The following PRL variants were observed in gnomAD, a reference collection of about 807,000 sequenced individuals.
PRL encodes the protein prolactin, also known as decidual prolactin.
Under a neutral mutation model 21.3 loss-of-function variants are expected in PRL, and 24 were observed. That is an observed-to-expected ratio of 1.13 (90% CI 0.82 to 1.59). The LOEUF (loss-of-function observed/expected upper bound fraction) is 1.59, where lower values mean the gene tolerates loss of function less well. Ranked by LOEUF, PRL falls within the 40% of genes most tolerant of loss-of-function variation. The probability of loss-of-function intolerance (pLI) is 0.00; values close to 1 mark genes in which losing one functional copy is unlikely to be tolerated. For missense variants in PRL, 243 were observed against 286.9 expected (o/e 0.85, Z 1.10); for synonymous variants, 118 against 115.7 (o/e 1.02, Z -0.13).
chr6:22,292,569 G>T lies in PRL; in HGVS notation c.281C>A (p.Pro94His). 6.2e-7 allele frequency: 1 copy of T among 1,614,088 alleles called. No homozygotes were observed. The highest frequency in any genetic ancestry group is 1.1e-5 in the South Asian group (1 of 91,070). Residue 94 changes from proline to histidine, a missense_variant, in exon 3 of 5, where the codon CCC becomes CAC. Pro to His is a moderately conservative substitution (Grantham distance 77). Coordinates refer to ENST00000306482, the MANE Select transcript of PRL (RefSeq NM_000948.6). The part of the protein sequence containing the change: ...NSCHTSSLAT[P>H]EDKEQAQQMN... ...CTGTTGGGCTTGCTCCTTGTCTTCG[G>T]GGGTGGCAAGGGAAGAAGTGTGGCA...
upstream of PRL, among the ~76,000 whole-genome samples, chr6:22,299,288 G>A (rs1047745729): frequency 2.0e-5 from 3 of 152,082 alleles, no homozygotes; most frequent in African/African-American, 7.2e-5. Flanking sequence ...TGCAACTGAG[G>A]GGTGATGATT....
At chr6:22,293,648 A>AAAAAAGGAAGGG (rs1561755467) in intron 2 of PRL, among the ~76,000 whole-genome samples, 2 of 57,652 alleles carry the variant, frequency 3.5e-5, no homozygotes, top group Admixed American at 1.8e-4. Flanking sequence ...GGAAGGAAGG[A>AAAAAAGGAAGGG]AGGAAGGAAG....
At chr6:22,296,087 A>G (rs11968713) in intron 1 of PRL, among the ~76,000 whole-genome samples, 2,444 of 152,334 alleles carry the variant, frequency 0.016, 53 homozygotes, top group African/African-American at 0.055. Context: ...TGTAAATAAA[A>G]TGTGCTTTGT....
rs781004812 is a variant in PRL, at chr6:22,287,446, G to C, written c.640C>G (p.Leu214Val). 6.2e-6 allele frequency: 10 copies of C among 1,614,000 alleles called. No individual in the cohort carries two copies. The highest frequency in any genetic ancestry group is 6.8e-6 in the Non-Finnish European group (8 of 1,179,992). ...ATGATTCGGCACTTCAGGAGCTTGA[G>C]ATAATTGTCGATTTTATGTGAATCC... The part of the protein sequence containing the change: ...RRDSHKIDNY[L>V]KLLKCRIIHN... Residue 214 changes from leucine (L) to valine (V), a missense_variant, in exon 5 of 5, where the codon CTC (leucine) becomes GTC (valine). Leu to Val is a conservative substitution (Grantham distance 32, BLOSUM62 1). Transcript: ENST00000306482.
chr6:22,291,438 T>A (rs1761047485), intron 3 of PRL, among the ~76,000 whole-genome samples: 3 of 152,198 alleles, frequency 2.0e-5, no homozygotes, highest in Non-Finnish European at 4.4e-5. Flanking sequence ...TGTTATAGGA[T>A]TTTTATGAGG....
At chr6:22,291,005 C>G (rs1473244882) in intron 3 of PRL, 3 of 152,154 alleles carry the variant, frequency 2.0e-5, no homozygotes, top group African/African-American at 7.2e-5. Flanking sequence ...AAAATGGAAC[C>G]AATGTTATCT....
chr6:22,293,643 G>GAGAA (rs1561755449), intron 2 of PRL, among the ~76,000 whole-genome samples: 1 of 37,786 alleles, frequency 2.6e-5, no homozygotes, highest in Admixed American at 2.7e-4. Context: ...AGGAAGGAAG[G>GAGAA]AAGGAAGGAA....
In PRL at chr6:22,294,463, G is replaced by A. The variant is rs1761131209; in HGVS notation, c.150C>T (p.Ala50=). The change falls in exon 2 of 5, where the codon GCC becomes GCT. Residue 50 remains alanine (A), a synonymous_variant. Coordinates refer to ENST00000306482, the MANE Select transcript of PRL (RefSeq NM_000948.6). ...QVTLRDLFDR[A]VVLSHYIHNL... ...TATGGATGTAGTGGGACAGGACGAC[G>A]GCGCGGTCAAACAGGTCTCGAAGGG... 1.9e-6 allele frequency: 3 copies of A among 1,614,148 alleles called. No individual in the cohort carries two copies. The highest frequency in any genetic ancestry group is 2.5e-6 in the Non-Finnish European group (3 of 1,180,028).
intron 3 of PRL, chr6:22,291,004 C>T (rs1181355867): frequency 6.6e-6 from 1 of 152,180 alleles, no homozygotes; most frequent in South Asian, 2.1e-4. Context: ...TAAAATGGAA[C>T]CAATGTTATC....
chr6:22,298,310 T>C (rs2113518944), upstream of PRL, among the ~76,000 whole-genome samples: 1 of 152,346 alleles, frequency 6.6e-6, no homozygotes, highest in South Asian at 2.1e-4. Flanking sequence ...GAAATGACTA[T>C]AATGAATAAG....
Position 22,288,616 on chromosome 6 carries a change from T to A in PRL, c.493-1023A>T, listed in dbSNP as rs1056668002. 6.6e-6 allele frequency among the ~76,000 whole-genome samples: 1 copy of A among 152,066 alleles called. No homozygotes were observed. The highest frequency in any genetic ancestry group is 1.5e-5 in the Non-Finnish European group (1 of 67,970). On this transcript the variant is annotated intron_variant, in intron 4 of 4. Coordinates refer to ENST00000306482, the MANE Select transcript of PRL (RefSeq NM_000948.6). The surrounding 1 kb of genome is among the most constrained non-coding windows in gnomAD (Gnocchi z 4.5). Reference sequence around the variant, plus strand: ...GGTAGGGTTGGGGGCATGGCTGTGATAACAAAAGGAGGCTGAACAGCACAA... The same window carrying A: ...GGTAGGGTTGGGGGCATGGCTGTGAAAACAAAAGGAGGCTGAACAGCACAA...
chr6:22,287,388 A>G lies in PRL; in HGVS notation c.*14T>C, dbSNP rs1581382015. 6.2e-7 allele frequency: 1 copy of G among 1,600,216 alleles called. No homozygotes were observed. Among genetic ancestry groups the G allele is most frequent in the Non-Finnish European group, 8.6e-7 (1 of 1,169,358 alleles). On this transcript the variant is annotated 3_prime_UTR_variant, in exon 5 of 5. Transcript: ENST00000306482. ...TTAAGGACCTTCTCAGAAATAGATGAAATGGATGTGGGCTTAGCAGTTGTT... is the reference window on the plus strand; with the variant it reads ...TTAAGGACCTTCTCAGAAATAGATGGAATGGATGTGGGCTTAGCAGTTGTT...
rs761579118 is a variant in PRL, at chr6:22,288,878, G to A, written c.493-1285C>T. On this transcript the variant is annotated intron_variant, in intron 4 of 4. Coordinates refer to ENST00000306482, the MANE Select transcript of PRL (RefSeq NM_000948.6). The surrounding 1 kb of genome is among the most constrained non-coding windows in gnomAD (Gnocchi z 4.5). ...ATTTAAAGTGTGTGTGTGTGTATGCGCGTGCGCGTGTGTGTGCGTGTGTGC... is the reference window on the plus strand; with the variant it reads ...ATTTAAAGTGTGTGTGTGTGTATGCACGTGCGCGTGTGTGTGCGTGTGTGC... Among the ~76,000 whole-genome samples, 2 of 151,814 alleles carry A rather than the reference G, an allele frequency of 1.3e-5. No individual in the cohort carries two copies. The highest frequency in any genetic ancestry group is 4.8e-5 in the African/African-American group (2 of 41,314).
upstream of PRL, among the ~76,000 whole-genome samples, chr6:22,300,220 C>G (rs1273892060): frequency 6.6e-6 from 1 of 152,212 alleles, no homozygotes; most frequent in Non-Finnish European, 1.5e-5. Flanking sequence ...TTACATCCTA[C>G]TATTTAGATT....
chr6:22,301,456 T>C (rs1419053810), upstream of PRL, among the ~76,000 whole-genome samples: 1 of 152,070 alleles, frequency 6.6e-6, no homozygotes, highest in Non-Finnish European at 1.5e-5. Flanking sequence ...GGTTGACCTA[T>C]GTGAGGGGCT....
intron 2 of PRL, 99 bp downstream of exon 2, chr6:22,294,303 ATCGTTTG>A: frequency 7.7e-7 from 1 of 1,293,306 alleles, no homozygotes; most frequent in Admixed American, 1.8e-5. Context: ...GTTAAAATGT[ATCGTTTG>A]AAATTTGGCT....
At chr6:22,298,549 G>C (rs1027127648), upstream of PRL, among the ~76,000 whole-genome samples, 1 of 152,146 alleles carries the variant, frequency 6.6e-6, no homozygotes, top group Non-Finnish European at 1.5e-5. Flanking sequence ...TCTTAACAAA[G>C]ACTAACGTCT....
At chr6:22,301,344 T>C (rs761496258), upstream of PRL, among the ~76,000 whole-genome samples, 1 of 152,172 alleles carries the variant, frequency 6.6e-6, no homozygotes, top group Non-Finnish European at 1.5e-5. Flanking sequence ...ACAGGCACCA[T>C]CAAATAGAAC....
In PRL at chr6:22,289,294, G is replaced by A. The variant is rs1347634258; in HGVS notation, c.492+880C>T. 3.9e-5 allele frequency among the ~76,000 whole-genome samples: 6 copies of A among 152,250 alleles called. No homozygotes were observed. In the East Asian group the frequency reaches 1.2e-3, roughly 29 times the overall value. On this transcript the variant is annotated intron_variant, in intron 4 of 4. Transcript: ENST00000306482. ...ATAACATGTACTTAGTACACAAAAA[G>A]AGAAATACAAAATTGTTCCTGTTAT...
Sources: gnomAD v4.1 joint callset for allele counts (sites outside exome capture counted in the v4.1 genomes callset) on GRCh38, gnomAD v4.1.1 for gene constraint, Gnocchi (gnomAD v3.1) non-coding constraint, MANE v1.5 for transcripts, NCBI Gene and HGNC (gene_info 2026-07-23, HGNC 2026-07-21) for gene names.